The following CSMD2 variants were observed in gnomAD, a reference collection of about 807,000 sequenced individuals.
CSMD2 encodes CUB and Sushi multiple domains 2.
In CSMD2, 130 loss-of-function variants were observed where a neutral mutation model predicts 398.5. That is an observed-to-expected ratio of 0.33 (90% confidence interval 0.28 to 0.38). The LOEUF is 0.38. Among genes scored for constraint, CSMD2 ranks in the 10% least tolerant of loss-of-function variants. The pLI, the probability that CSMD2 is intolerant of heterozygous loss-of-function variation, is 1.00. For synonymous variants in CSMD2, 1,828 were observed against 1,908.5 expected (o/e 0.96, Z 1.10); for missense variants, 3,829 against 4,764.9 (o/e 0.80, Z 5.78).
chr1:33,520,872 C>T (rs892416848), intron 68 of CSMD2, among the ~76,000 whole-genome samples: 11 of 152,302 alleles, frequency 7.2e-5, no homozygotes, highest in Admixed American at 3.3e-4. Flanking sequence ...AGACCCCTCC[C>T]CCCACCAGAG....
intron 3 of CSMD2, among the ~76,000 whole-genome samples, chr1:33,950,349 C>T (rs1409783022): frequency 6.7e-6 from 1 of 148,872 alleles, no homozygotes. Context: ...ACCCAATGTT[C>T]CAGCAACAAT....
chr1:33,935,794 G>C lies in CSMD2; in HGVS notation c.678C>G (p.Ser226Arg). ...VLTCHAGSEN[S>R]ATWDFPLPSC... ...AAGGCAGGGGGAAGTCCCACGTGGCGCTGTTCTCAGAGCCAGCGTGGCAGG... is the reference window on the plus strand; with the variant it reads ...AAGGCAGGGGGAAGTCCCACGTGGCCCTGTTCTCAGAGCCAGCGTGGCAGG... The change falls in exon 4 of 71, where the codon AGC becomes AGG. Residue 226 changes from serine (S) to arginine (R), a missense_variant. Physicochemically the swap from Ser to Arg is moderately radical, Grantham distance 110. Around this residue, in one of 5 missense-constraint regions of CSMD2, gnomAD observed 2,001 missense variants for 2,567.1 expected, o/e 0.78. Transcript: ENST00000373381. The C allele has an allele frequency of 2.5e-6, 4 of 1,612,794 alleles. No individual in the cohort carries two copies. Among genetic ancestry groups the C allele is most frequent in the Non-Finnish European group, 3.4e-6 (4 of 1,179,278 alleles).
chr1:34,037,460 A>T (rs540031162), intron 2 of CSMD2, among the ~76,000 whole-genome samples: 1 of 151,712 alleles, frequency 6.6e-6, no homozygotes, highest in South Asian at 2.1e-4. Context: ...TCAGTGACAG[A>T]CTGACATCAT....
At chr1:33,839,317 T>C (rs1339454888) in intron 6 of CSMD2, 3 of 152,218 alleles carry the variant, frequency 2.0e-5, no homozygotes, top group Non-Finnish European at 4.4e-5. Context: ...AGTATGATCA[T>C]TTAAAATAGG....
intron 3 of CSMD2, among the ~76,000 whole-genome samples, chr1:33,993,603 A>C (rs1570746215): frequency 6.6e-6 from 1 of 151,822 alleles, no homozygotes; most frequent in Non-Finnish European, 1.5e-5. Context: ...TGCTACTTCT[A>C]CCTCCAGCCA....
intron 8 of CSMD2, among the ~76,000 whole-genome samples, 176 bp downstream of exon 8, chr1:33,820,293 G>A (rs1657959735): frequency 6.6e-6 from 1 of 152,090 alleles, no homozygotes. Flanking sequence ...TGGGCACTAT[G>A]CCAAGGACTG....
intron 12 of CSMD2, among the ~76,000 whole-genome samples, chr1:33,777,774 G>C (rs1324033066): frequency 6.6e-6 from 1 of 152,136 alleles, no homozygotes; most frequent in East Asian, 1.9e-4. Context: ...CAGCATATTT[G>C]CTTCCCCTTT....
chr1:33,902,112 A>G (rs959987737), intron 5 of CSMD2, among the ~76,000 whole-genome samples: 1 of 152,232 alleles, frequency 6.6e-6, no homozygotes, highest in Non-Finnish European at 1.5e-5. Context: ...TCCAAAGAGC[A>G]TTCAAGCAAG....
At chr1:34,031,311 C>A (rs895685166) in intron 3 of CSMD2, among the ~76,000 whole-genome samples, 1 of 152,104 alleles carries the variant, frequency 6.6e-6, no homozygotes, top group African/African-American at 2.4e-5. Context: ...GATTCACTCG[C>A]CTCGTCCTCC....
chr1:33,808,608 G>A (rs546552800), intron 10 of CSMD2, among the ~76,000 whole-genome samples: 2 of 152,050 alleles, frequency 1.3e-5, no homozygotes, highest in East Asian at 3.9e-4. Flanking sequence ...GTCCTCAGAG[G>A]GAAATTTGTA....
chr1:33,579,564 C>G (rs190926711), intron 48 of CSMD2, among the ~76,000 whole-genome samples: 134 of 152,176 alleles, frequency 8.8e-4, no homozygotes, highest in African/African-American at 3.2e-3. Flanking sequence ...GACTGTCCAC[C>G]CACTGAGTAT....
intron 5 of CSMD2, among the ~76,000 whole-genome samples, chr1:33,906,659 T>A (rs1472601858): frequency 6.6e-6 from 1 of 152,158 alleles, no homozygotes; most frequent in Non-Finnish European, 1.5e-5. Flanking sequence ...ATTTTATGGG[T>A]CAATTATGAG....
chr1:34,136,938 AT>A (rs1354024299), intron 1 of CSMD2, among the ~76,000 whole-genome samples: 2 of 151,914 alleles, frequency 1.3e-5, no homozygotes, highest in Non-Finnish European at 2.9e-5. Flanking sequence ...CCTTCCACTC[AT>A]CTTTCCATTC....
chr1:33,888,206 A>G (rs1641729119), intron 5 of CSMD2, among the ~76,000 whole-genome samples: 1 of 152,240 alleles, frequency 6.6e-6, no homozygotes, highest in African/African-American at 2.4e-5. Flanking sequence ...CTACAAATTC[A>G]GTGAAATTTC....
intron 1 of CSMD2, among the ~76,000 whole-genome samples, chr1:34,148,094 G>A (rs1171897303): frequency 2.6e-5 from 4 of 152,166 alleles, no homozygotes; most frequent in Non-Finnish European, 5.9e-5. Flanking sequence ...TCAAAATCTC[G>A]TTGAGGCCCA....
chr1:33,694,764 G>A (rs1227344813), intron 24 of CSMD2, among the ~76,000 whole-genome samples: 1 of 152,122 alleles, frequency 6.6e-6, no homozygotes, highest in Non-Finnish European at 1.5e-5. Flanking sequence ...ATTGTACACT[G>A]GTAAATAAAA....
chr1:34,163,281 T>C lies in CSMD2; in HGVS notation c.187+1630A>G, dbSNP rs1641529513. Among the ~76,000 whole-genome samples, 1 of 152,236 alleles carries C rather than the reference T, an allele frequency of 6.6e-6. No individual in the cohort carries two copies. The highest frequency in any genetic ancestry group is 6.5e-5 in the Admixed American group (1 of 15,288). Reference sequence around the variant, plus strand: ...GTCTGGGTGACCAGCAGCGTCGGTATGCACAGCCTCCCAGTGGGTGTGGGT... The same window carrying C: ...GTCTGGGTGACCAGCAGCGTCGGTACGCACAGCCTCCCAGTGGGTGTGGGT... On this transcript the variant is annotated intron_variant, in intron 1 of 70. Coordinates refer to ENST00000373381, the MANE Select transcript of CSMD2 (RefSeq NM_001281956.2). The surrounding 1 kb of genome is among the most constrained non-coding windows in gnomAD (Gnocchi z 5.4).
intron 25 of CSMD2, among the ~76,000 whole-genome samples, chr1:33,673,929 C>G (rs4255344): frequency 0.14 from 21,744 of 152,204 alleles, 1,981 homozygotes; most frequent in Admixed American, 0.24. Flanking sequence ...TTGTCACCAC[C>G]AGGCCTGCCC....
chr1:33,998,737 T>C (rs1237317183), intron 3 of CSMD2, among the ~76,000 whole-genome samples: 1 of 152,166 alleles, frequency 6.6e-6, no homozygotes, highest in Non-Finnish European at 1.5e-5. Context: ...GCAGGGCCCC[T>C]GGTTAAAATA....
Sources: gnomAD v4.1 joint callset for allele counts (sites outside exome capture counted in the v4.1 genomes callset) on GRCh38, gnomAD v4.1.1 for gene constraint, gnomAD v4.1.1 regional missense constraint, Gnocchi (gnomAD v3.1) non-coding constraint, MANE v1.5 for transcripts, NCBI Gene and HGNC (gene_info 2026-07-23, HGNC 2026-07-21) for gene names.